The following AGPS variants were observed in gnomAD, a reference collection of about 807,000 sequenced individuals.
AGPS encodes the protein alkyldihydroxyacetonephosphate synthase, peroxisomal.
In AGPS, 26 loss-of-function variants were observed where a neutral mutation model predicts 90.7. The observed-to-expected ratio is 0.29, with a 90% CI of 0.21 to 0.40. The LOEUF is 0.40. AGPS is among the 10% of genes least tolerant of loss of function. AGPS has a pLI of 1.00. For missense variants in AGPS, 540 were observed against 816.1 expected (o/e 0.66, Z 4.12); for synonymous variants, 294 against 285.3 (o/e 1.03, Z -0.31).
In AGPS at chr2:177,466,947, C is replaced by T. The variant is rs989705243; in HGVS notation, c.997-1469C>T. 2.6e-5 allele frequency among the ~76,000 whole-genome samples: 4 copies of T among 152,288 alleles called. No individual in the cohort carries two copies. The Middle Eastern group carries it at 0.01, about 388-fold the overall frequency. ...AGCACAGGGATGCCTGGATCCAGAG[C>T]CACAGCTGGGCTGCCACAGCTGCAC... On this transcript the variant is annotated intron_variant, in intron 9 of 19. Transcript: ENST00000264167.
intron 11 of AGPS, among the ~76,000 whole-genome samples, chr2:177,485,347 C>A (rs1295114663): frequency 1.3e-5 from 2 of 152,120 alleles, no homozygotes; most frequent in Non-Finnish European, 2.9e-5. Context: ...AAGTGATGTA[C>A]AAATGTATCA....
chr2:177,483,526 A>G (rs1180888904), intron 11 of AGPS, among the ~76,000 whole-genome samples: 3 of 152,176 alleles, frequency 2.0e-5, no homozygotes, highest in Admixed American at 2.0e-4. Context: ...CTGGGTAGGG[A>G]GAGGATTCAA....
At chr2:177,537,978 A>G (rs1278593252) in intron 19 of AGPS, 96 bp from the exon 20 acceptor site, 3 of 1,486,144 alleles carry the variant, frequency 2.0e-6, no homozygotes, top group Non-Finnish European at 2.8e-6. Flanking sequence ...GAATAAAAGC[A>G]TTTATCACAC....
At chr2:177,495,935 A>C (rs1016711016) in intron 12 of AGPS, among the ~76,000 whole-genome samples, 13 of 148,746 alleles carry the variant, frequency 8.7e-5, no homozygotes, top group Middle Eastern at 3.4e-3. Context: ...AAAAAAAAAA[A>C]AAACAAACCC....
chr2:177,437,010 G>C lies in AGPS; in HGVS notation c.593G>C (p.Arg198Thr). Residue 198 changes from arginine to threonine, a missense_variant, in exon 5 of 20, where the codon AGG (arginine) becomes ACG (threonine). Physicochemically the swap from Arg to Thr is moderately conservative, Grantham distance 71. Coordinates refer to ENST00000264167, the MANE Select transcript of AGPS (RefSeq NM_003659.4). ...TGTCTTCATGAGATATTTTTGCTCA[G>C]GGAAGGAATGTTTGAGCGAATTCCT... The part of the protein sequence containing the change: ...GHCLHEIFLL[R>T]EGMFERIPDI... 6.2e-7 allele frequency: 1 copy of C among 1,613,450 alleles called. No individual in the cohort carries two copies. Among genetic ancestry groups the C allele is most frequent in the Non-Finnish European group, 8.5e-7 (1 of 1,179,750 alleles).
intron 10 of AGPS, among the ~76,000 whole-genome samples, chr2:177,470,560 C>T (rs1297319578): frequency 2.0e-5 from 3 of 151,398 alleles, no homozygotes; most frequent in African/African-American, 4.9e-5. Flanking sequence ...AAAAATTAGT[C>T]GGGTGTGGTG....
intron 15 of AGPS, among the ~76,000 whole-genome samples, chr2:177,505,940 CTG>C (rs1385935873): frequency 6.6e-6 from 1 of 151,858 alleles, no homozygotes. Flanking sequence ...AAATCTTTAA[CTG>C]TGTTGTAAAA....
At chr2:177,480,854 G>A (rs893121248) in intron 10 of AGPS, among the ~76,000 whole-genome samples, 5 of 151,946 alleles carry the variant, frequency 3.3e-5, no homozygotes, top group East Asian at 3.9e-4. Flanking sequence ...AAAAGAGAAC[G>A]TTTAGTCACT....
At chr2:177,399,977 C>T (rs1379729279) in intron 1 of AGPS, among the ~76,000 whole-genome samples, 1 of 152,040 alleles carries the variant, frequency 6.6e-6, no homozygotes, top group African/African-American at 2.4e-5. Flanking sequence ...AGATATATAC[C>T]ACAATTTATC....
At chr2:177,401,701 C>T (rs561641960) in intron 1 of AGPS, among the ~76,000 whole-genome samples, 1 of 152,090 alleles carries the variant, frequency 6.6e-6, no homozygotes, top group Non-Finnish European at 1.5e-5. Context: ...CACAGCACCA[C>T]GCCTGGCTAA....
intron 19 of AGPS, among the ~76,000 whole-genome samples, chr2:177,530,601 G>GC (rs534324574): frequency 3.3e-5 from 5 of 152,144 alleles, no homozygotes; most frequent in Non-Finnish European, 7.4e-5. Flanking sequence ...GAGTAAAAGG[G>GC]CCAGGGGTTG....
At chr2:177,487,086 A>T (rs2105699130) in intron 11 of AGPS, among the ~76,000 whole-genome samples, 1 of 152,114 alleles carries the variant, frequency 6.6e-6, no homozygotes, top group Admixed American at 6.5e-5. Flanking sequence ...TTATTCTCTA[A>T]AAGAGATAAA....
chr2:177,497,836 C>A lies in AGPS; in HGVS notation c.1362+71C>A, dbSNP rs921019910. The A allele has an allele frequency of 7.9e-5, 62 of 785,156 alleles. No homozygotes were observed. In the Middle Eastern group the frequency reaches 3.5e-3, roughly 45 times the overall value. The allele number at this position is 785,156 out of a possible 1,614,324, so 48.6% of individuals were successfully genotyped here. A position where few individuals can be genotyped will look rare whatever the true frequency, so the allele number is the denominator to read the frequency against. ...CTGTTTTCTGCTTTCTTCCCACATG[C>A]ACCTATTGTAAGGGTGTTTTTCCAT... On this transcript the variant is annotated intron_variant, in intron 13 of 19. Transcript: ENST00000264167.
chr2:177,498,643 C>A (rs1308845870), intron 13 of AGPS, among the ~76,000 whole-genome samples: 2 of 150,662 alleles, frequency 1.3e-5, no homozygotes, highest in African/African-American at 4.9e-5. Flanking sequence ...AAAAAAAAGT[C>A]TTTATTACTA....
At chr2:177,431,688 T>C (rs1253722740) in intron 2 of AGPS, among the ~76,000 whole-genome samples, 2 of 152,184 alleles carry the variant, frequency 1.3e-5, no homozygotes, top group African/African-American at 4.8e-5. Flanking sequence ...CGTCCTTTTA[T>C]AGGCTCTCTG....
intron 17 of AGPS, among the ~76,000 whole-genome samples, chr2:177,518,087 A>G (rs1418095072): frequency 6.6e-6 from 1 of 152,190 alleles, no homozygotes; most frequent in Non-Finnish European, 1.5e-5. Flanking sequence ...TTAGGGTGGT[A>G]CCTGCCAGGT....
chr2:177,393,630 G>C, intron 1 of AGPS: 1 of 952,316 alleles, frequency 1.1e-6, no homozygotes, highest in Non-Finnish European at 1.3e-6. Context: ...ACTAGCTAGT[G>C]GTTTAAGGTG....
intron 8 of AGPS, among the ~76,000 whole-genome samples, chr2:177,454,116 T>A (rs1687041021): frequency 6.6e-6 from 1 of 151,448 alleles, no homozygotes; most frequent in African/African-American, 2.4e-5. Context: ...TTTGTGGCTT[T>A]ATAGTTTTCA....
intron 19 of AGPS, among the ~76,000 whole-genome samples, chr2:177,529,210 C>T (rs1415121976): frequency 6.6e-6 from 1 of 152,056 alleles, no homozygotes; most frequent in African/African-American, 2.4e-5. Flanking sequence ...TTCACACCTG[C>T]ATTCCAAACA....
Sources: allele counts gnomAD v4.1 joint callset (sites outside exome capture counted in the v4.1 genomes callset), GRCh38; gene constraint gnomAD v4.1.1; transcripts MANE v1.5; gene names NCBI Gene and HGNC (gene_info 2026-07-23, HGNC 2026-07-21).